Variants in MOXD1 observed in about 807,000 individuals in gnomAD.
MOXD1 encodes the protein monooxygenase DBH like 1.
A neutral mutation model predicts 66.6 loss-of-function variants in MOXD1; 62 were observed. The ratio of observed to expected loss-of-function variants is 0.93; its 90% CI spans 0.76 to 1.15. MOXD1 has a LOEUF of 1.15. MOXD1 is among the 50% of genes most tolerant of loss of function. The probability of loss-of-function intolerance (pLI) is 0.00; values close to 1 mark genes in which losing one functional copy is unlikely to be tolerated. For synonymous variants in MOXD1, 303 were observed against 281.9 expected, an observed-to-expected ratio of 1.07 and a Z score of -0.75; for missense variants, 847 against 754.6, an observed-to-expected ratio of 1.12 and a Z score of -1.44.
intron 4 of MOXD1, among the ~76,000 whole-genome samples, chr6:132,357,797 T>C (rs1328326848): frequency 6.6e-6 from 1 of 152,146 alleles, no homozygotes; most frequent in Non-Finnish European, 1.5e-5. Flanking sequence ...ATATTTCATA[T>C]TTTGAAGGAG....
chr6:132,369,215 C>A (rs1240616804), intron 4 of MOXD1, among the ~76,000 whole-genome samples: 1 of 152,092 alleles, frequency 6.6e-6, no homozygotes, highest in Admixed American at 6.6e-5. Context: ...TCATTTCAGG[C>A]AATCCCTTGT....
At position 132,400,846 on chromosome 6, in the gene MOXD1, T is replaced by A. The variant is rs181439896; in HGVS notation, c.264+317A>T. On this transcript the variant is annotated intron_variant, in intron 1 of 11. Coordinates refer to ENST00000367963, the MANE Select transcript of MOXD1 (RefSeq NM_015529.4). ...AAGCCTAGGTCCTTCTCCCTTCCCA[T>A]CAGGGATGAAGCGGGGTGTATTGCA... Among the ~76,000 whole-genome samples, 389 of 152,226 alleles carry A rather than the reference T, an allele frequency of 2.6e-3. 3 individuals are homozygous for A. The highest frequency in any genetic ancestry group is 9.0e-3 in the African/African-American group (372 of 41,556).
intron 4 of MOXD1, among the ~76,000 whole-genome samples, chr6:132,361,373 A>G (rs568861307): frequency 3.9e-4 from 59 of 152,040 alleles, no homozygotes; most frequent in African/African-American, 1.4e-3. Context: ...TCAAAACCAT[A>G]AACTGCTTAA....
At position 132,314,474 on chromosome 6, in the gene MOXD1, C is replaced by A. The variant is rs1774898539; in HGVS notation, c.1508+1161G>T. ...TCCCTTTGCACTTAAAGCCCCAAGG[C>A]CTTATGTTGCCCATAAAGTCCTAAA... On this transcript the variant is annotated intron_variant, in intron 10 of 11. Transcript: ENST00000367963. Among the ~76,000 whole-genome samples the A allele has an allele frequency of 3.3e-5, 5 of 152,240 alleles. No individual in the cohort carries two copies. In the South Asian group the frequency reaches 1.0e-3, roughly 31 times the overall value.
At position 132,297,120 on chromosome 6, in the gene MOXD1, T is replaced by C. The variant is rs767096342; in HGVS notation, c.*33A>G. ...TACTTCAAATGACAGGTTCAGATCA[T>C]AGAAAACATTGTCAAGTCCAACAGA... On this transcript the variant is annotated 3_prime_UTR_variant, in exon 12 of 12. Coordinates refer to ENST00000367963, the MANE Select transcript of MOXD1 (RefSeq NM_015529.4). 5 of 1,606,196 alleles carry C rather than the reference T, an allele frequency of 3.1e-6. No individual in the cohort carries two copies. The South Asian group carries it at 3.3e-5, about 11-fold the overall frequency.
At chr6:132,400,582 C>T (rs996548404) in intron 1 of MOXD1, among the ~76,000 whole-genome samples, 8 of 152,182 alleles carry the variant, frequency 5.3e-5, no homozygotes, top group Admixed American at 3.3e-4. Context: ...CGATTTTGGT[C>T]TCTAAATGTG....
At chr6:132,333,443 C>T (rs1221543502) in intron 4 of MOXD1, among the ~76,000 whole-genome samples, 1 of 151,496 alleles carries the variant, frequency 6.6e-6, no homozygotes, top group Non-Finnish European at 1.5e-5. Flanking sequence ...ATCACAATCA[C>T]AGGGGGAATG....
At chr6:132,307,033 A>G (rs912570141) in intron 10 of MOXD1, among the ~76,000 whole-genome samples, 1 of 152,204 alleles carries the variant, frequency 6.6e-6, no homozygotes, top group East Asian at 1.9e-4. Flanking sequence ...CTAACCTTAA[A>G]TGTAAATGGG....
chr6:132,302,021 A>G (rs1774551716), intron 10 of MOXD1, among the ~76,000 whole-genome samples: 1 of 152,188 alleles, frequency 6.6e-6, no homozygotes, highest in Admixed American at 6.5e-5. Flanking sequence ...AGTCTGAAGA[A>G]GCTTACATAT....
chr6:132,396,856 A>G (rs1776892614), intron 1 of MOXD1, among the ~76,000 whole-genome samples: 1 of 152,222 alleles, frequency 6.6e-6, no homozygotes, highest in Non-Finnish European at 1.5e-5. Context: ...ACCAACAATC[A>G]GTAATGAGAT....
At chr6:132,364,077 A>C (rs902892779) in intron 4 of MOXD1, among the ~76,000 whole-genome samples, 1 of 152,176 alleles carries the variant, frequency 6.6e-6, no homozygotes, top group Non-Finnish European at 1.5e-5. Context: ...GTTTCATGTC[A>C]GTTGAAAATG....
rs1562287208 is a variant in MOXD1 at position 132,340,638 on chromosome 6, A to ATCTTTTTTTTTTTTTTTTTT, written c.664-12045_664-12044insAAAAAAAAAAAAAAAAAAGA. ...ACAACATGCTAAAACAACAAGACTC[A>ATCTTTTTTTTTTTTTTTTTT]TTTTTTTTTTTTTTTTTTTTTTTTT... On this transcript the variant is annotated intron_variant, in intron 4 of 11. Coordinates refer to ENST00000367963, the MANE Select transcript of MOXD1 (RefSeq NM_015529.4). Among the ~76,000 whole-genome samples, 6 of 98,786 alleles carry ATCTTTTTTTTTTTTTTTTTT rather than the reference A, an allele frequency of 6.1e-5. 1 individual carries two copies. Among genetic ancestry groups the ATCTTTTTTTTTTTTTTTTTT allele is most frequent in the African/African-American group, 2.7e-4 (6 of 22,564 alleles). The allele number at this position is 98,786 out of a possible 152,430, so 64.8% of individuals were successfully genotyped here.
At chr6:132,345,586 T>C (rs1459468090) in intron 4 of MOXD1, among the ~76,000 whole-genome samples, 1 of 152,224 alleles carries the variant, frequency 6.6e-6, no homozygotes, top group African/African-American at 2.4e-5. Context: ...TAAGCTATCA[T>C]ACTTAATTAG....
At chr6:132,361,481 C>T (rs1776017949) in intron 4 of MOXD1, among the ~76,000 whole-genome samples, 1 of 152,092 alleles carries the variant, frequency 6.6e-6, no homozygotes, top group African/African-American at 2.4e-5. Flanking sequence ...TACTTTATTA[C>T]TATAATAAGA....
At chr6:132,397,690 GAAAGAAAGAA>G (rs1562303353) in intron 1 of MOXD1, among the ~76,000 whole-genome samples, 12 of 122,090 alleles carry the variant, frequency 9.8e-5, no homozygotes, top group African/African-American at 2.2e-4. Context: ...AAGAAAGAAA[GAAAGAAAGAA>G]AAAGAAAGAG....
intron 4 of MOXD1, among the ~76,000 whole-genome samples, chr6:132,349,438 T>TATATATATACAC: frequency 6.8e-5 from 1 of 14,684 alleles, no homozygotes; most frequent in African/African-American, 4.3e-4. Flanking sequence ...TATATATACA[T>TATATATATACAC]ATATATATAT....
At chr6:132,331,629 A>G (rs1471067706) in intron 4 of MOXD1, among the ~76,000 whole-genome samples, 1 of 152,140 alleles carries the variant, frequency 6.6e-6, no homozygotes, top group Non-Finnish European at 1.5e-5. Context: ...GAATCATTCT[A>G]TGTATTTCAT....
chr6:132,311,390 T>C (rs1774826915), intron 10 of MOXD1, among the ~76,000 whole-genome samples: 1 of 151,736 alleles, frequency 6.6e-6, no homozygotes, highest in Non-Finnish European at 1.5e-5. Flanking sequence ...AGTGTAAACA[T>C]TAAAAATCTT....
intron 4 of MOXD1, among the ~76,000 whole-genome samples, chr6:132,363,234 AC>A (rs1407182346): frequency 2.3e-5 from 3 of 132,948 alleles, no homozygotes; most frequent in East Asian, 4.3e-4. Flanking sequence ...AAAAAAAAAA[AC>A]CAAAGAGACT....
Sources: gnomAD v4.1 joint callset for allele counts (sites outside exome capture counted in the v4.1 genomes callset) on GRCh38, gnomAD v4.1.1 for gene constraint, MANE v1.5 for transcripts, NCBI Gene and HGNC (gene_info 2026-07-23, HGNC 2026-07-21) for gene names.